The following APLF variants were observed in gnomAD, a reference collection of about 807,000 sequenced individuals.
APLF encodes the protein aprataxin and PNK-like factor.
APLF carries 61 observed loss-of-function variants against 55.6 expected under a neutral mutation model. The ratio of observed to expected loss-of-function variants is 1.10; its 90% CI spans 0.89 to 1.36. The LOEUF (loss-of-function observed/expected upper bound fraction) is 1.36, where lower values mean the gene tolerates loss of function less well. APLF is among the 40% of genes most tolerant of loss of function. The pLI, the probability that APLF is intolerant of heterozygous loss-of-function variation, is 0.00. For synonymous variants in APLF, 207 were observed against 214.8 expected (o/e 0.96, Z 0.32); for missense variants, 611 against 602.5 (o/e 1.01, Z -0.15).
At chr2:68,525,767 T>TA (rs869076977) in intron 5 of APLF, among the ~76,000 whole-genome samples, 7 of 114,546 alleles carry the variant, frequency 6.1e-5, no homozygotes, top group East Asian at 3.6e-4. Context: ...TTTTTTTTTT[T>TA]AACACAGAGG....
At chr2:68,520,906 G>A (rs1669879498) in intron 5 of APLF, among the ~76,000 whole-genome samples, 1 of 151,870 alleles carries the variant, frequency 6.6e-6, no homozygotes, top group Admixed American at 6.6e-5. Flanking sequence ...ATTACTTTTG[G>A]CAGTATGTTC....
intron 2 of APLF, among the ~76,000 whole-genome samples, chr2:68,498,378 G>A (rs115194537): frequency 6.6e-6 from 1 of 152,114 alleles, no homozygotes; most frequent in Non-Finnish European, 1.5e-5. Flanking sequence ...TGATTAAATG[G>A]TTTTCTGCTT....
chr2:68,491,781 C>T (rs1165757052), intron 2 of APLF, among the ~76,000 whole-genome samples: 2 of 152,198 alleles, frequency 1.3e-5, no homozygotes, highest in Admixed American at 1.3e-4. Context: ...CCACCTCTCA[C>T]ACTACCACCC....
intron 6 of APLF, among the ~76,000 whole-genome samples, chr2:68,535,012 T>C (rs553521211): frequency 2.0e-5 from 3 of 152,252 alleles, no homozygotes; most frequent in Non-Finnish European, 4.4e-5. Context: ...TTTCATGGAG[T>C]TCCATAAAGA....
intron 5 of APLF, among the ~76,000 whole-genome samples, chr2:68,518,886 A>T (rs1413858774): frequency 7.9e-6 from 1 of 126,150 alleles, no homozygotes; most frequent in Non-Finnish European, 1.6e-5. Context: ...TAAAATATTA[A>T]TATTATATCA....
intron 7 of APLF, among the ~76,000 whole-genome samples, chr2:68,543,367 T>G (rs964755876): frequency 4.6e-5 from 7 of 152,178 alleles, no homozygotes; most frequent in African/African-American, 1.7e-4. Context: ...AAAAAAGCAG[T>G]AGGCCAGATT....
At chr2:68,539,855 A>G (rs896895915) in intron 7 of APLF, among the ~76,000 whole-genome samples, 2 of 152,182 alleles carry the variant, frequency 1.3e-5, no homozygotes, top group African/African-American at 4.8e-5. Flanking sequence ...TATGTCTGCT[A>G]TCACCACTCC....
chr2:68,467,791 C>G lies in APLF; in HGVS notation c.60C>G (p.Pro20=), dbSNP rs1311753713. ...RDGGPRVALA[P]GETVIGRGPL... is the part of the protein sequence containing the mutation. ...GCGGTCCCCGGGTGGCCCTGGCGCCCGGGGAGACGGTGATCGGCCGCGGGC... is the reference window on the plus strand; with the variant it reads ...GCGGTCCCCGGGTGGCCCTGGCGCCGGGGGAGACGGTGATCGGCCGCGGGC... The change falls in exon 1 of 10, where the codon CCC becomes CCG. Residue 20 remains proline, a synonymous_variant. Coordinates refer to ENST00000303795, the MANE Select transcript of APLF (RefSeq NM_173545.3). The G allele has an allele frequency of 3.2e-6, 4 of 1,233,914 alleles. No individual in the cohort carries two copies. Among genetic ancestry groups the G allele is most frequent in the Admixed American group, 4.2e-5 (1 of 23,706 alleles). The allele number at this position is 1,233,914 out of a possible 1,614,324, so 76.4% of individuals were successfully genotyped here.
chr2:68,511,358 CAG>C (rs1677044840), intron 3 of APLF, among the ~76,000 whole-genome samples: 2 of 151,564 alleles, frequency 1.3e-5, no homozygotes, highest in Non-Finnish European at 1.5e-5. Flanking sequence ...ATCACAGTGA[CAG>C]TGTTTTATAT....
At chr2:68,503,444 C>A (rs1022194510) in intron 3 of APLF, among the ~76,000 whole-genome samples, 3 of 152,026 alleles carry the variant, frequency 2.0e-5, no homozygotes, top group Non-Finnish European at 4.4e-5. Context: ...GGCTTCATTT[C>A]AGCTTTTAAA....
chr2:68,488,997 G>A (rs1676274460), intron 1 of APLF, among the ~76,000 whole-genome samples: 2 of 152,012 alleles, frequency 1.3e-5, no homozygotes, highest in African/African-American at 4.8e-5. Context: ...TACAATCTGG[G>A]AAAAAGAAAG....
intron 8 of APLF, among the ~76,000 whole-genome samples, chr2:68,556,013 C>A (rs182785089): frequency 2.1e-4 from 32 of 152,282 alleles, no homozygotes; most frequent in Non-Finnish European, 3.1e-4. Context: ...GAATACTACT[C>A]AACTGTAAGA....
At chr2:68,517,337 A>C (rs1195297097) in intron 5 of APLF, among the ~76,000 whole-genome samples, 2 of 123,966 alleles carry the variant, frequency 1.6e-5, no homozygotes, top group Non-Finnish European at 3.3e-5. Context: ...ATTACTATAT[A>C]ATATATTAAT....
intron 8 of APLF, among the ~76,000 whole-genome samples, chr2:68,560,755 A>G (rs1671146283): frequency 6.6e-6 from 1 of 152,126 alleles, no homozygotes. Context: ...AAAAAGGTTG[A>G]TGTAAATCTT....
At chr2:68,523,917 T>A (rs66462061) in intron 5 of APLF, among the ~76,000 whole-genome samples, 41,178 of 150,834 alleles carry the variant, frequency 0.27, 6,806 homozygotes, top group East Asian at 0.58. Context: ...AAAAAAAAAA[T>A]TAGCTCTAGT....
rs1443955518 is a variant in APLF at position 68,484,072 on chromosome 2, C to T, written c.97-6118C>T. Among the ~76,000 whole-genome samples the T allele has an allele frequency of 9.2e-5, 14 of 152,132 alleles. 1 individual carries two copies. Among genetic ancestry groups the T allele is most frequent in the Admixed American group, 9.2e-4 (14 of 15,284 alleles). ...GAATTGCAGTCAAACAAACAGATCA[C>T]AGACTTTGATACAAAATATCTAAGT... On this transcript the variant is annotated intron_variant, in intron 1 of 9. Transcript: ENST00000303795.
intron 8 of APLF, among the ~76,000 whole-genome samples, chr2:68,557,963 T>A (rs1671060360): frequency 6.6e-6 from 1 of 152,060 alleles, no homozygotes. Context: ...TTTTTATAGG[T>A]TCTGCATATA....
chr2:68,517,839 G>A (rs951786356), intron 5 of APLF, among the ~76,000 whole-genome samples: 6 of 143,316 alleles, frequency 4.2e-5, no homozygotes, highest in African/African-American at 1.5e-4. Context: ...ATATATAGCA[G>A]TAATATATCA....
rs149894673 is a variant in APLF at position 68,502,850 on chromosome 2, C to T, written c.288C>T (p.Tyr96=). 16 of 1,606,616 alleles carry T rather than the reference C, an allele frequency of 1.0e-5. No homozygotes were observed. The highest frequency in any genetic ancestry group is 4.0e-5 in the African/African-American group (3 of 74,414). Residue 96 remains tyrosine, a synonymous_variant, in exon 3 of 10, where the codon TAC becomes TAT. Transcript: ENST00000303795. The part of the protein sequence containing the change: ...GDSFSLLVDK[Y]IFRILSIPSE... ...GCTTTTCTTTGTTAGTTGACAAATA[C>T]ATTTTCCGCATTCTCTCTATACCCT...
Sources: allele counts gnomAD v4.1 joint callset (sites outside exome capture counted in the v4.1 genomes callset), GRCh38; gene constraint gnomAD v4.1.1; transcripts MANE v1.5; gene names NCBI Gene and HGNC (gene_info 2026-07-23, HGNC 2026-07-21).